The following SPDYE10 variants were observed in gnomAD, a reference collection of about 807,000 sequenced individuals.
SPDYE10 encodes the protein speedy/RINGO cell cycle regulator family member E10.
At chr7:73,131,495 C>T in the SPDYE10 span, among the ~76,000 whole-genome samples, 4 of 148,320 alleles carry the variant, frequency 2.7e-5, no homozygotes, top group East Asian at 7.7e-4. Flanking sequence ...TGCCTCTGCA[C>T]TCTGCCACAG....
chr7:73,142,980 G>GAGGAAGGA, the SPDYE10 span, among the ~76,000 whole-genome samples: 41 of 93,630 alleles, frequency 4.4e-4, no homozygotes, highest in South Asian at 1.3e-3. Flanking sequence ...GGGAGGGAGG[G>GAGGAAGGA]AGGAAGGAAG....
the SPDYE10 span, among the ~76,000 whole-genome samples, chr7:73,134,794 G>A: frequency 1.3e-5 from 2 of 152,272 alleles, no homozygotes; most frequent in African/African-American, 2.4e-5. Flanking sequence ...CCCAGGAGGC[G>A]GAGGTTGCAG....
the SPDYE10 span, among the ~76,000 whole-genome samples, chr7:73,137,476 C>G: frequency 6.1e-5 from 9 of 146,508 alleles, no homozygotes; most frequent in South Asian, 2.0e-3. Context: ...AAGCCAAGAT[C>G]GTGCTGCTGC....
At chr7:73,114,932 AGTCTCGCTCT>A in the SPDYE10 span, among the ~76,000 whole-genome samples, 1 of 121,490 alleles carries the variant, frequency 8.2e-6, no homozygotes, top group Non-Finnish European at 1.6e-5. Flanking sequence ...TTTGAGACGG[AGTCTCGCTCT>A]GTCATCCAGG....
chr7:73,143,352 A>C, the SPDYE10 span, among the ~76,000 whole-genome samples: 1 of 151,682 alleles, frequency 6.6e-6, no homozygotes, highest in Non-Finnish European at 1.5e-5. Flanking sequence ...GGACCGCAGG[A>C]AGCTTCCTAT....
chr7:73,151,915 C>T, the SPDYE10 span, among the ~76,000 whole-genome samples: 5 of 147,908 alleles, frequency 3.4e-5, no homozygotes, highest in African/African-American at 1.0e-4. Context: ...AAAAATGCTA[C>T]CTTAGGCCAT....
At chr7:73,117,084 G>T in the SPDYE10 span, among the ~76,000 whole-genome samples, 5 of 143,820 alleles carry the variant, frequency 3.5e-5, no homozygotes, top group South Asian at 2.2e-4. Context: ...TTTTTTTGTT[G>T]TTGTTGTTTT....
the SPDYE10 span, among the ~76,000 whole-genome samples, chr7:73,135,403 C>T: frequency 6.7e-6 from 1 of 150,292 alleles, no homozygotes; most frequent in Non-Finnish European, 1.5e-5. Flanking sequence ...TTGCTTTGTC[C>T]ACGCATTCAT....
At chr7:73,104,125 TTAAAG>T in the SPDYE10 span, 1 of 140,800 alleles carries the variant, frequency 7.1e-6, no homozygotes, top group Non-Finnish European at 1.6e-5. Flanking sequence ...CACATCCTCT[TTAAAG>T]TAACATACAA....
At chr7:73,127,598 AGAGGAAG>A in the SPDYE10 span, among the ~76,000 whole-genome samples, 25 of 61,704 alleles carry the variant, frequency 4.1e-4, no homozygotes, top group African/African-American at 1.3e-3. Context: ...GGGAAGGGGG[AGAGGAAG>A]GGGAAGGGGA....
chr7:73,117,937 GTCAGGAGT>G, the SPDYE10 span, among the ~76,000 whole-genome samples: 1 of 139,658 alleles, frequency 7.2e-6, no homozygotes, highest in Non-Finnish European at 1.5e-5. Flanking sequence ...ATCACCTGAG[GTCAGGAGT>G]TCGAGACCAA....
chr7:73,141,070 C>CCACACACA, the SPDYE10 span, among the ~76,000 whole-genome samples: 376 of 136,102 alleles, frequency 2.8e-3, no homozygotes, highest in South Asian at 3.1e-3. Flanking sequence ...TCCATTTCTA[C>CCACACACA]CACACACACA....
chr7:73,114,999 C>A, the SPDYE10 span, among the ~76,000 whole-genome samples: 1 of 152,046 alleles, frequency 6.6e-6, no homozygotes, highest in South Asian at 2.1e-4. Context: ...CGGGTTCAAG[C>A]GATTCCCCCA....
At chr7:73,152,005 T>C in the SPDYE10 span, among the ~76,000 whole-genome samples, 3 of 151,674 alleles carry the variant, frequency 2.0e-5, no homozygotes, top group African/African-American at 7.3e-5. Flanking sequence ...ATTGTTGTTG[T>C]TTTGTTTTTT....
the SPDYE10 span, among the ~76,000 whole-genome samples, chr7:73,124,102 C>A: frequency 1.4e-5 from 2 of 148,078 alleles, no homozygotes; most frequent in African/African-American, 5.1e-5. Flanking sequence ...TTCTTGGCAG[C>A]CTTCCTGTCC....
At chr7:73,134,537 A>AAGAAAGAAAGAAAGCAAGAAAG in the SPDYE10 span, among the ~76,000 whole-genome samples, 1 of 139,530 alleles carries the variant, frequency 7.2e-6, no homozygotes, top group African/African-American at 2.9e-5. Flanking sequence ...GAAAGAAAGA[A>AAGAAAGAAAGAAAGCAAGAAAG]AAAGAAAGAA....
the SPDYE10 span, among the ~76,000 whole-genome samples, chr7:73,145,188 TTC>T: frequency 7.0e-6 from 1 of 142,440 alleles, no homozygotes; most frequent in African/African-American, 2.8e-5. Flanking sequence ...CTTTCATCTT[TTC>T]TTTCTTTCGT....
chr7:73,134,995 C>G, the SPDYE10 span, among the ~76,000 whole-genome samples: 93 of 152,370 alleles, frequency 6.1e-4, no homozygotes, highest in African/African-American at 2.2e-3. Context: ...GAGGGAAAGA[C>G]TGAGTGGCCT....
chr7:73,123,154 G>A, the SPDYE10 span, among the ~76,000 whole-genome samples: 1 of 152,218 alleles, frequency 6.6e-6, no homozygotes. Context: ...AGGCTGAGAG[G>A]GTGCTTGCTG....
Sources: gnomAD v4.1 joint callset for allele counts (sites outside exome capture counted in the v4.1 genomes callset) on GRCh38, gnomAD v4.1.1 for gene constraint, MANE v1.5 for transcripts, NCBI Gene and HGNC (gene_info 2026-07-23, HGNC 2026-07-21) for gene names.